The following METTL16 variants were observed in gnomAD, a reference collection of about 807,000 sequenced individuals.
METTL16 encodes RNA N(6)-adenosine-methyltransferase METTL16.
METTL16 carries 19 observed loss-of-function variants against 57.9 expected under a neutral mutation model. The ratio of observed to expected loss-of-function variants is 0.33; its 90% CI spans 0.23 to 0.48. The LOEUF (loss-of-function observed/expected upper bound fraction) is 0.48. METTL16 is among the 20% of genes least tolerant of loss of function. The probability of loss-of-function intolerance (pLI) is 0.99; values close to 1 mark genes in which losing one functional copy is unlikely to be tolerated. For missense variants in METTL16, 434 were observed against 691.5 expected (o/e 0.63, Z 4.18); for synonymous variants, 246 against 255.6 (o/e 0.96, Z 0.36).
chr17:2,508,760 C>G (rs1452685591), intron 1 of METTL16, among the ~76,000 whole-genome samples: 1 of 152,274 alleles, frequency 6.6e-6, no homozygotes, highest in East Asian at 1.9e-4. Context: ...TATTAAATCC[C>G]TTCAGTGGCA....
chr17:2,419,436 A>T lies in METTL16; in HGVS notation c.*534T>A. The stretch of plus-strand genomic sequence containing the variant: ...TCTGCTGCTCCTTCCCAGCATTACT[A>T]AGGTTTCTCTCCCAGATTCCCCACC... On this transcript the variant is annotated 3_prime_UTR_variant, in exon 10 of 10. Coordinates refer to ENST00000263092, the MANE Select transcript of METTL16 (RefSeq NM_024086.4). 3.1e-6 allele frequency: 1 copy of T among 325,770 alleles called. No individual in the cohort carries two copies. Among genetic ancestry groups the T allele is most frequent in the Non-Finnish European group, 6.1e-6 (1 of 163,370 alleles). The allele number at this position is 325,770 out of a possible 1,614,324, so 20.2% of individuals were successfully genotyped here. A position where few individuals can be genotyped will look rare whatever the true frequency, so the allele number is the denominator to read the frequency against.
At chr17:2,501,499 G>A (rs2067487088) in intron 2 of METTL16, among the ~76,000 whole-genome samples, 1 of 152,128 alleles carries the variant, frequency 6.6e-6, no homozygotes, top group Non-Finnish European at 1.5e-5. Context: ...AATAATATCT[G>A]TGAAATCAGT....
At chr17:2,422,913 G>A (rs1316599231) in intron 8 of METTL16, among the ~76,000 whole-genome samples, 1 of 152,076 alleles carries the variant, frequency 6.6e-6, no homozygotes, top group Admixed American at 6.6e-5. Context: ...AACCCAGGAG[G>A]TGCAGGTTGC....
chr17:2,453,881 G>GA (rs1165050111), intron 6 of METTL16, among the ~76,000 whole-genome samples: 15 of 152,026 alleles, frequency 9.9e-5, no homozygotes, highest in African/African-American at 3.6e-4. Flanking sequence ...TAACATACAT[G>GA]AAAAATCTAA....
intron 8 of METTL16, among the ~76,000 whole-genome samples, chr17:2,435,313 G>A (rs1204132647): frequency 4.6e-5 from 7 of 152,062 alleles, no homozygotes; most frequent in Non-Finnish European, 8.8e-5. Context: ...TGGGGGTGGG[G>A]AAATAGGTCA....
chr17:2,467,916 G>T, intron 4 of METTL16, 40 bp from the exon 5 acceptor site: 1 of 1,396,118 alleles, frequency 7.2e-7, no homozygotes, highest in Non-Finnish European at 1.0e-6. Flanking sequence ...TATTAATGTT[G>T]CAGTGGTTCT....
intron 2 of METTL16, among the ~76,000 whole-genome samples, chr17:2,498,779 G>T (rs1445394872): frequency 1.3e-5 from 2 of 151,390 alleles, no homozygotes; most frequent in Non-Finnish European, 2.9e-5. Flanking sequence ...GATGGGGATG[G>T]GCAAGGCACA....
At chr17:2,511,305 T>TA (rs1212808826) in intron 1 of METTL16, among the ~76,000 whole-genome samples, 1 of 151,944 alleles carries the variant, frequency 6.6e-6, no homozygotes, top group South Asian at 2.1e-4. Context: ...ACTCTCTTGA[T>TA]ACACAGCCTG....
intron 2 of METTL16, among the ~76,000 whole-genome samples, chr17:2,501,397 C>A (rs1157880951): frequency 6.6e-6 from 1 of 151,902 alleles, no homozygotes; most frequent in African/African-American, 2.4e-5. Context: ...CCACTGCACT[C>A]CAGCTTGGGC....
chr17:2,425,768 C>A (rs2066813385), intron 8 of METTL16, among the ~76,000 whole-genome samples: 1 of 151,858 alleles, frequency 6.6e-6, no homozygotes, highest in Non-Finnish European at 1.5e-5. Context: ...CTCAGTGCAG[C>A]CTCCACCTCC....
rs1321623798 is a variant in METTL16, at chr17:2,498,135, A to G, written c.128+4069T>C. 1.1e-3 allele frequency among the ~76,000 whole-genome samples: 157 copies of G among 137,534 alleles called. No individual in the cohort carries two copies. The Middle Eastern group carries it at 0.017, about 15-fold the overall frequency. 90.2% of individuals were successfully genotyped at this position (137,534 alleles called of 152,430 possible). A position where few individuals can be genotyped will look rare whatever the true frequency, so the allele number is the denominator to read the frequency against. On this transcript the variant is annotated intron_variant, in intron 2 of 9. Transcript: ENST00000263092. The stretch of plus-strand genomic sequence containing the variant: ...CGTGAACCCGGGAGGCAGAGCTTGC[A>G]GTGAGCCGAGATCGCGCCACTGCAC...
intron 1 of METTL16, among the ~76,000 whole-genome samples, chr17:2,507,760 CTT>C (rs2067557186): frequency 6.6e-6 from 1 of 152,142 alleles, no homozygotes; most frequent in Admixed American, 6.5e-5. Flanking sequence ...ACATGGGAGA[CTT>C]TTCATTTTGT....
At chr17:2,445,199 A>G (rs936797233) in intron 6 of METTL16, among the ~76,000 whole-genome samples, 3 of 152,020 alleles carry the variant, frequency 2.0e-5, no homozygotes, top group Non-Finnish European at 2.9e-5. Flanking sequence ...TGATATGTTT[A>G]CATACACAAA....
chr17:2,486,331 G>A (rs186395441), intron 2 of METTL16, among the ~76,000 whole-genome samples: 159 of 151,926 alleles, frequency 1.0e-3, no homozygotes, highest in African/African-American at 3.8e-3. Context: ...GAGTGCAATG[G>A]CGAGATCTCG....
At chr17:2,443,028 C>T (rs1225187461) in intron 6 of METTL16, among the ~76,000 whole-genome samples, 5 of 150,600 alleles carry the variant, frequency 3.3e-5, no homozygotes, top group Non-Finnish European at 7.4e-5. Context: ...ACCACTCTGT[C>T]GCCCAGGCTG....
chr17:2,441,623 T>C, intron 6 of METTL16, 64 bp from the exon 7 acceptor site: 1 of 1,047,238 alleles, frequency 9.5e-7, no homozygotes, highest in Non-Finnish European at 1.3e-6. Flanking sequence ...AACTAAGCAT[T>C]ATTCAAGTGA....
At chr17:2,454,149 C>T (rs140316681) in intron 6 of METTL16, among the ~76,000 whole-genome samples, 536 of 152,240 alleles carry the variant, frequency 3.5e-3, no homozygotes, top group Middle Eastern at 6.8e-3. Context: ...AGAAGATATT[C>T]CAGGCTCATT....
At chr17:2,509,158 G>A (rs1428151705) in intron 1 of METTL16, among the ~76,000 whole-genome samples, 1 of 152,144 alleles carries the variant, frequency 6.6e-6, no homozygotes, top group Non-Finnish European at 1.5e-5. Context: ...ATTTGCATAT[G>A]TCACACATAG....
intron 3 of METTL16, chr17:2,477,387 T>G: frequency 3.5e-6 from 1 of 289,614 alleles, no homozygotes; most frequent in Non-Finnish European, 6.6e-6. Context: ...ATGAGAAGTG[T>G]TTTGGATTTC....
Sources: gnomAD v4.1 joint callset for allele counts (sites outside exome capture counted in the v4.1 genomes callset) on GRCh38, gnomAD v4.1.1 for gene constraint, MANE v1.5 for transcripts, NCBI Gene and HGNC (gene_info 2026-07-23, HGNC 2026-07-21) for gene names.